The following EPHA6 variants were observed in gnomAD, a reference collection of about 807,000 sequenced individuals.
EPHA6 encodes EPH receptor A6, also known as ephrin type-A receptor 6.
A neutral mutation model predicts 112.0 loss-of-function variants in EPHA6; 50 were observed. The ratio of observed to expected loss-of-function variants is 0.45; its 90% confidence interval spans 0.36 to 0.56. EPHA6 has a LOEUF of 0.56. Among genes scored for constraint, EPHA6 ranks in the 20% least tolerant of loss-of-function variants. The pLI, the probability that EPHA6 is intolerant of heterozygous loss-of-function variation, is 0.00. For missense variants in EPHA6, 1,280 were observed against 1,417.4 expected, an observed-to-expected ratio of 0.90 and a Z score of 1.56; for synonymous variants, 529 against 490.7, an observed-to-expected ratio of 1.08 and a Z score of -1.03.
At chr3:97,472,942 T>A (rs1435449081) in intron 7 of EPHA6, among the ~76,000 whole-genome samples, 1 of 144,314 alleles carries the variant, frequency 6.9e-6, no homozygotes, top group Non-Finnish European at 1.5e-5. Context: ...ACAAGATATG[T>A]AACCTTGAGA....
At chr3:97,529,188 A>G (rs2092666714) in intron 10 of EPHA6, among the ~76,000 whole-genome samples, 1 of 152,140 alleles carries the variant, frequency 6.6e-6, no homozygotes, top group Non-Finnish European at 1.5e-5. Context: ...GGTTACAAGC[A>G]TGGACTCTGA....
At chr3:97,000,404 T>C (rs1338875500) in intron 3 of EPHA6, among the ~76,000 whole-genome samples, 2 of 151,482 alleles carry the variant, frequency 1.3e-5, no homozygotes, top group Non-Finnish European at 3.0e-5. Context: ...AGTTAAAATA[T>C]TGTTTAAAAG....
intron 15 of EPHA6, among the ~76,000 whole-genome samples, chr3:97,725,831 C>T (rs2034743489): frequency 6.6e-6 from 1 of 152,026 alleles, no homozygotes; most frequent in South Asian, 2.1e-4. Context: ...GGGAAAATCA[C>T]CCCCAGTTAA....
At chr3:97,694,298 G>A (rs538977881) in intron 14 of EPHA6, among the ~76,000 whole-genome samples, 1 of 151,424 alleles carries the variant, frequency 6.6e-6, no homozygotes, top group East Asian at 1.9e-4. Flanking sequence ...ATGCAATGGC[G>A]TGATCTCGGC....
In EPHA6 at chr3:97,226,286, A is replaced by G. The variant is rs2078353883; in HGVS notation, c.1137A>G (p.Lys379=). The change falls in exon 4 of 18, where the codon AAA becomes AAG. Residue 379 remains lysine (K), a synonymous_variant. Transcript: ENST00000389672. ...CAGCTTGCAGACCAGGATTCTATAA[A>G]GCTTTTGCTGGGAACACAAAATGTT... The part of the protein sequence containing the change: ...SCHACRPGFY[K]AFAGNTKCSK... 3 of 1,609,556 alleles carry G rather than the reference A, an allele frequency of 1.9e-6. No homozygotes were observed. The highest frequency in any genetic ancestry group is 1.7e-5 in the Admixed American group (1 of 59,090).
intron 5 of EPHA6, among the ~76,000 whole-genome samples, chr3:97,368,288 G>T (rs2084852701): frequency 6.6e-6 from 1 of 152,040 alleles, no homozygotes; most frequent in Non-Finnish European, 1.5e-5. Flanking sequence ...TAAAATGAGA[G>T]ACTATGTCAT....
chr3:97,519,520 A>G (rs1398943198), intron 10 of EPHA6, among the ~76,000 whole-genome samples: 1 of 152,172 alleles, frequency 6.6e-6, no homozygotes, highest in Non-Finnish European at 1.5e-5. Flanking sequence ...TTTCTGTGGC[A>G]AATTACATTT....
At chr3:97,492,762 G>T (rs1191792889) in intron 10 of EPHA6, among the ~76,000 whole-genome samples, 1 of 151,612 alleles carries the variant, frequency 6.6e-6, no homozygotes, top group Admixed American at 6.6e-5. Context: ...AGATCAGATC[G>T]CATTAGAAAG....
chr3:97,627,124 A>G (rs202012987), intron 13 of EPHA6, among the ~76,000 whole-genome samples: 2,331 of 151,974 alleles, frequency 0.015, 60 homozygotes, highest in African/African-American at 0.053. Context: ...AGGCAAGGCA[A>G]GTTAGGTGGC....
Position 97,758,337 on chromosome 3 carries a change from TA to T in EPHA6, c.*9639del, listed in dbSNP as rs942130806. On this transcript the variant is annotated 3_prime_UTR_variant, in exon 18 of 18. Transcript: ENST00000389672. ...AGTCAAAGCTTAGTGTTTACCTCTT[TA>T]AACTATATAACAAATATAACCGTAG... Among the ~76,000 whole-genome samples, 15 of 151,572 alleles carry T rather than the reference TA, an allele frequency of 9.9e-5. No homozygotes were observed. The highest frequency in any genetic ancestry group is 3.7e-4 in the African/African-American group (15 of 41,044).
intron 2 of EPHA6, among the ~76,000 whole-genome samples, chr3:96,905,330 G>A (rs2038874132): frequency 6.6e-6 from 1 of 151,658 alleles, no homozygotes; most frequent in Admixed American, 6.6e-5. Flanking sequence ...CTTTTTAATA[G>A]GATATAAAAT....
chr3:97,716,705 T>C (rs1232059255), intron 14 of EPHA6, among the ~76,000 whole-genome samples: 4 of 152,120 alleles, frequency 2.6e-5, no homozygotes, highest in Non-Finnish European at 5.9e-5. Flanking sequence ...AGATATAAAC[T>C]GTATCCCGTA....
intron 3 of EPHA6, among the ~76,000 whole-genome samples, chr3:97,141,487 A>T (rs1346501794): frequency 6.6e-6 from 1 of 152,078 alleles, no homozygotes; most frequent in Non-Finnish European, 1.5e-5. Flanking sequence ...GTATCTTAAG[A>T]TCTCAGACCA....
chr3:97,227,906 C>G (rs1452171175), intron 4 of EPHA6, among the ~76,000 whole-genome samples: 1 of 152,146 alleles, frequency 6.6e-6, no homozygotes, highest in African/African-American at 2.4e-5. Flanking sequence ...AGGAAGGAAG[C>G]TGGTTAGTTG....
intron 3 of EPHA6, among the ~76,000 whole-genome samples, chr3:97,196,314 T>C (rs2077440648): frequency 6.6e-6 from 1 of 151,944 alleles, no homozygotes; most frequent in Non-Finnish European, 1.5e-5. Flanking sequence ...CCTCAAGAAC[T>C]TCTGCTTGAT....
At chr3:96,851,398 C>T (rs2035376524) in intron 1 of EPHA6, among the ~76,000 whole-genome samples, 1 of 152,028 alleles carries the variant, frequency 6.6e-6, no homozygotes, top group Non-Finnish European at 1.5e-5. Flanking sequence ...TTTACTGTGG[C>T]CTTGATCAGT....
intron 7 of EPHA6, among the ~76,000 whole-genome samples, chr3:97,451,273 A>C (rs953507104): frequency 5.3e-5 from 8 of 151,958 alleles, no homozygotes. Flanking sequence ...ATTTACACAT[A>C]TTACCTCATT....
At chr3:97,382,291 G>C (rs545013545) in intron 5 of EPHA6, among the ~76,000 whole-genome samples, 4 of 151,958 alleles carry the variant, frequency 2.6e-5, no homozygotes, top group Non-Finnish European at 5.9e-5. Context: ...AGCCTCTTAT[G>C]GTCTTGTTTG....
At chr3:97,149,389 T>C (rs2076116748) in intron 3 of EPHA6, among the ~76,000 whole-genome samples, 1 of 152,124 alleles carries the variant, frequency 6.6e-6, no homozygotes, top group Admixed American at 6.6e-5. Flanking sequence ...TTAATAATAA[T>C]GACATGTAAA....
Sources: allele counts gnomAD v4.1 joint callset (sites outside exome capture counted in the v4.1 genomes callset), GRCh38; gene constraint gnomAD v4.1.1; transcripts MANE v1.5; gene names NCBI Gene and HGNC (gene_info 2026-07-23, HGNC 2026-07-21).